The following WDFY1 variants were observed in gnomAD, a reference collection of about 807,000 sequenced individuals.
WDFY1 encodes WD repeat and FYVE domain containing 1.
Under a neutral mutation model 56.4 loss-of-function variants are expected in WDFY1, and 32 were observed. The ratio of observed to expected loss-of-function variants is 0.57; its 90% CI spans 0.43 to 0.76. The LOEUF (loss-of-function observed/expected upper bound fraction) is 0.76. Ranked by LOEUF, WDFY1 falls within the 30% of genes least tolerant of loss-of-function variation. The pLI is 0.00. For missense variants in WDFY1, 480 were observed against 545.7 expected (o/e 0.88, Z 1.20); for synonymous variants, 192 against 197.3 (o/e 0.97, Z 0.23).
intron 3 of WDFY1, among the ~76,000 whole-genome samples, chr2:223,906,954 C>CTAT (rs1559168671): frequency 0.038 from 5,677 of 148,574 alleles, 170 homozygotes; most frequent in African/African-American, 0.073. Context: ...ATTACTACTA[C>CTAT]CATTATTATT....
chr2:223,938,443 CAG>C (rs1161349747), intron 1 of WDFY1, among the ~76,000 whole-genome samples: 1 of 152,280 alleles, frequency 6.6e-6, no homozygotes, highest in African/African-American at 2.4e-5. Context: ...GCTCTGAAAG[CAG>C]AGTCTTATTT....
At chr2:223,884,859 C>A in intron 8 of WDFY1, 110 bp from the exon 9 acceptor site, 6 of 689,252 alleles carry the variant, frequency 8.7e-6, no homozygotes, top group African/African-American at 2.0e-5. Context: ...TTCTTTTCTT[C>A]TTTTTTTTTT....
In WDFY1 at chr2:223,877,142, T is replaced by TA. The variant is rs1021059862; in HGVS notation, c.*1528dup. On this transcript the variant is annotated 3_prime_UTR_variant, in exon 12 of 12. Coordinates refer to ENST00000233055, the MANE Select transcript of WDFY1 (RefSeq NM_020830.5). ...TGTGCGTGACCCCCTTTCCTTTCCT[T>TA]ACGTGTGTCACACAGCCATTAAGAC... 1 of 152,160 alleles carries TA rather than the reference T, an allele frequency of 6.6e-6. No homozygotes were observed. Among genetic ancestry groups the TA allele is most frequent in the Non-Finnish European group, 1.5e-5 (1 of 68,024 alleles). The allele number at this position is 152,160 out of a possible 1,614,324, so 9.4% of individuals were successfully genotyped here.
At chr2:223,886,823 A>G (rs954861065) in intron 8 of WDFY1, among the ~76,000 whole-genome samples, 2 of 151,418 alleles carry the variant, frequency 1.3e-5, no homozygotes, top group African/African-American at 4.8e-5. Context: ...TCTAAAATAT[A>G]TATTAATATA....
At chr2:223,884,929 C>T (rs1409138756) in intron 8 of WDFY1, among the ~76,000 whole-genome samples, 180 bp from the exon 9 acceptor site, 4 of 149,142 alleles carry the variant, frequency 2.7e-5, no homozygotes, top group African/African-American at 1.0e-4. Flanking sequence ...GCAACCTCTG[C>T]CTCCTGGATT....
At chr2:223,895,970 C>T (rs1027663980) in intron 6 of WDFY1, among the ~76,000 whole-genome samples, 1 of 151,566 alleles carries the variant, frequency 6.6e-6, no homozygotes, top group African/African-American at 2.4e-5. Flanking sequence ...CTAGGCCTGG[C>T]CAACATGGTG....
intron 9 of WDFY1, among the ~76,000 whole-genome samples, chr2:223,883,479 A>ATT (rs1693110217): frequency 6.6e-6 from 1 of 152,214 alleles, no homozygotes; most frequent in Non-Finnish European, 1.5e-5. Context: ...TGCACTAATT[A>ATT]CCATCAGCCA....
intron 1 of WDFY1, among the ~76,000 whole-genome samples, chr2:223,923,538 G>T (rs181926061): frequency 6.6e-5 from 10 of 152,236 alleles, no homozygotes; most frequent in African/African-American, 2.2e-4. Context: ...GAGGCGGGTG[G>T]ATCACAAGGT....
chr2:223,923,585 C>A (rs1289267602), intron 1 of WDFY1, among the ~76,000 whole-genome samples: 1 of 152,034 alleles, frequency 6.6e-6, no homozygotes, highest in East Asian at 1.9e-4. Flanking sequence ...CATGGTGAAA[C>A]CCTGTCTCTA....
chr2:223,926,413 G>A (rs1427660724), intron 1 of WDFY1, among the ~76,000 whole-genome samples: 5 of 152,178 alleles, frequency 3.3e-5, no homozygotes, highest in Non-Finnish European at 2.9e-5. Flanking sequence ...CTACAAGCAT[G>A]AGCCAGTATG....
At chr2:223,879,715 G>C (rs1311548614) in intron 11 of WDFY1, among the ~76,000 whole-genome samples, 2 of 152,052 alleles carry the variant, frequency 1.3e-5, no homozygotes, top group African/African-American at 4.8e-5. Context: ...TTATGTGTTA[G>C]TGACCCAGGG....
At chr2:223,944,405 C>G (rs1396299789) in intron 1 of WDFY1, among the ~76,000 whole-genome samples, 2 of 152,278 alleles carry the variant, frequency 1.3e-5, no homozygotes, top group African/African-American at 4.8e-5. Context: ...TGCGACACCG[C>G]AGGTCGGGGT....
chr2:223,912,075 A>G (rs946362395), intron 3 of WDFY1, among the ~76,000 whole-genome samples, 178 bp downstream of exon 3: 1 of 152,168 alleles, frequency 6.6e-6, no homozygotes, highest in African/African-American at 2.4e-5. Flanking sequence ...TCAGCCTCCT[A>G]AAGTGCTGGG....
chr2:223,880,081 G>C, intron 11 of WDFY1, 43 bp downstream of exon 11: 1 of 1,520,182 alleles, frequency 6.6e-7, no homozygotes, highest in Middle Eastern at 1.7e-4. Context: ...CATGGTAATA[G>C]GCAATCTCAA....
At chr2:223,896,114 C>T (rs747788990) in intron 6 of WDFY1, among the ~76,000 whole-genome samples, 1 of 129,932 alleles carries the variant, frequency 7.7e-6, no homozygotes, top group East Asian at 2.2e-4. Flanking sequence ...CAAGATAGCA[C>T]CACTGCGCTC....
At chr2:223,912,053 G>A (rs572900417) in intron 3 of WDFY1, among the ~76,000 whole-genome samples, 200 bp downstream of exon 3, 1 of 152,142 alleles carries the variant, frequency 6.6e-6, no homozygotes, top group Admixed American at 6.5e-5. Context: ...GGGCTCAAGC[G>A]ATCCGCCCGC....
intron 1 of WDFY1, among the ~76,000 whole-genome samples, chr2:223,924,187 A>G (rs1052902428): frequency 1.3e-5 from 2 of 152,226 alleles, no homozygotes; most frequent in African/African-American, 4.8e-5. Context: ...AATCTTTTCC[A>G]AACTTCTCCA....
chr2:223,933,065 A>T (rs1459592308), intron 1 of WDFY1, among the ~76,000 whole-genome samples: 1 of 152,180 alleles, frequency 6.6e-6, no homozygotes, highest in Non-Finnish European at 1.5e-5. Flanking sequence ...CTTTGGTAAC[A>T]GGGAGAGAAA....
intron 1 of WDFY1, among the ~76,000 whole-genome samples, chr2:223,939,551 C>T (rs1411256709): frequency 6.6e-6 from 1 of 152,140 alleles, no homozygotes; most frequent in Non-Finnish European, 1.5e-5. Flanking sequence ...GCTAGGGAAG[C>T]CTCACAATCA....
Sources: gnomAD v4.1 joint callset for allele counts (sites outside exome capture counted in the v4.1 genomes callset) on GRCh38, gnomAD v4.1.1 for gene constraint, MANE v1.5 for transcripts, NCBI Gene and HGNC (gene_info 2026-07-23, HGNC 2026-07-21) for gene names.